PLEKHM3: variants seen among roughly 807,000 people sequenced by gnomAD.
PLEKHM3 encodes pleckstrin homology domain-containing family M member 3.
PLEKHM3 carries 45 observed loss-of-function variants against 81.8 expected under a neutral mutation model. The ratio of observed to expected loss-of-function variants is 0.55; its 90% CI spans 0.43 to 0.71. PLEKHM3 has a LOEUF of 0.71. PLEKHM3 is among the 30% of genes least tolerant of loss of function. The pLI is 0.00. For synonymous variants in PLEKHM3, 352 were observed against 356.4 expected (o/e 0.99, Z 0.14); for missense variants, 788 against 924.3 (o/e 0.85, Z 1.91).
At chr2:207,831,429 C>T (rs892074785) in intron 7 of PLEKHM3, among the ~76,000 whole-genome samples, 12 of 152,202 alleles carry the variant, frequency 7.9e-5, no homozygotes, top group South Asian at 2.1e-4. Context: ...CATAGGGAAA[C>T]GTAGGGCTTC....
intron 3 of PLEKHM3, among the ~76,000 whole-genome samples, chr2:207,960,902 G>A (rs1404919516): frequency 6.6e-6 from 1 of 152,210 alleles, no homozygotes; most frequent in Non-Finnish European, 1.5e-5. Flanking sequence ...GAGCCTCCCT[G>A]TAGTTTCTGG....
intron 4 of PLEKHM3, among the ~76,000 whole-genome samples, chr2:207,941,127 C>T (rs1017226310): frequency 6.6e-6 from 1 of 152,164 alleles, no homozygotes; most frequent in Admixed American, 6.5e-5. Context: ...TGACCACTCA[C>T]AATTTTCATG....
rs188224946 is a variant in PLEKHM3, at chr2:207,918,436, G to C, written c.1887-9859C>G. ...ACTCAGGAGGCTGAGGCAGGAGAAT[G>C]GCATGAACCTGGGAGGCGGAGCTTG... On this transcript the variant is annotated intron_variant, in intron 5 of 7. Coordinates refer to ENST00000427836, the MANE Select transcript of PLEKHM3 (RefSeq NM_001080475.3). Among the ~76,000 whole-genome samples the C allele has an allele frequency of 3.9e-3, 598 of 152,214 alleles. 6 individuals are homozygous for C. The highest frequency in any genetic ancestry group is 0.014 in the African/African-American group (573 of 41,542).
intron 2 of PLEKHM3, among the ~76,000 whole-genome samples, chr2:207,988,368 A>G (rs888621598): frequency 5.9e-5 from 9 of 152,172 alleles, no homozygotes; most frequent in African/African-American, 2.2e-4. Flanking sequence ...CCTGAGTCTC[A>G]GTTTCCTCAT....
rs544878579 is a variant in PLEKHM3, at chr2:207,879,184, G to T, written c.1951-17922C>A. 4.6e-5 allele frequency among the ~76,000 whole-genome samples: 7 copies of T among 152,266 alleles called. No individual in the cohort carries two copies. In the East Asian group the frequency reaches 1.4e-3, roughly 29 times the overall value. ...TAAACTGAGACATAGAAAGATTAAA[G>T]AACTTGTTTATGGTCAGAGAGCTAA... On this transcript the variant is annotated intron_variant, in intron 6 of 7. Coordinates refer to ENST00000427836, the MANE Select transcript of PLEKHM3 (RefSeq NM_001080475.3).
At chr2:207,942,273 C>T (rs749436412) in intron 4 of PLEKHM3, among the ~76,000 whole-genome samples, 4 of 151,966 alleles carry the variant, frequency 2.6e-5, no homozygotes, top group Non-Finnish European at 2.9e-5. Context: ...TGTGGGAGGC[C>T]GAGGTGGGAA....
intron 3 of PLEKHM3, among the ~76,000 whole-genome samples, chr2:207,963,495 T>G (rs759287885): frequency 9.9e-5 from 15 of 152,144 alleles, no homozygotes; most frequent in East Asian, 1.9e-4. Context: ...AGACAAGATT[T>G]AGAAAAAGTC....
intron 5 of PLEKHM3, among the ~76,000 whole-genome samples, chr2:207,915,725 A>G (rs1276450885): frequency 6.6e-6 from 1 of 152,260 alleles, no homozygotes; most frequent in East Asian, 1.9e-4. Context: ...TTGATTCTAA[A>G]TGATAAGGGT....
chr2:207,860,151 CTGTGTGTGTGTGTGTGTGTG>C lies in PLEKHM3; in HGVS notation c.2108+934_2108+953del, dbSNP rs55739776. Reference sequence around the variant, plus strand: ...GGAAACTGGAGGCTGAACTCTGCCTCTGTGTGTGTGTGTGTGTGTGTGTGTGTGTGTGTGTGTGTGTGTGT... The same window carrying C: ...GGAAACTGGAGGCTGAACTCTGCCTCTGTGTGTGTGTGTGTGTGTGTGTGT... On this transcript the variant is annotated intron_variant, in intron 7 of 7. Coordinates refer to ENST00000427836, the MANE Select transcript of PLEKHM3 (RefSeq NM_001080475.3). 7.1e-3 allele frequency among the ~76,000 whole-genome samples: 782 copies of C among 110,752 alleles called. 8 individuals are homozygous for C. Among genetic ancestry groups the C allele is most frequent in the African/African-American group, 0.026 (707 of 27,112 alleles). The allele number at this position is 110,752 out of a possible 152,430, so 72.7% of individuals were successfully genotyped here.
intron 6 of PLEKHM3, among the ~76,000 whole-genome samples, chr2:207,878,839 T>A (rs535024384): frequency 9.2e-5 from 14 of 151,912 alleles, no homozygotes; most frequent in South Asian, 4.2e-4. Flanking sequence ...ATTTTTATTT[T>A]TTTTATTTTT....
chr2:207,958,701 G>A (rs573970559), intron 3 of PLEKHM3, among the ~76,000 whole-genome samples: 63 of 151,962 alleles, frequency 4.1e-4, no homozygotes, highest in African/African-American at 1.5e-3. Flanking sequence ...CCTAAGGTCC[G>A]GAGTTCGACA....
intron 2 of PLEKHM3, among the ~76,000 whole-genome samples, chr2:207,992,125 A>G (rs996625071): frequency 6.6e-6 from 1 of 152,204 alleles, no homozygotes; most frequent in Non-Finnish European, 1.5e-5. Flanking sequence ...TCTAGATCAC[A>G]CTGTGTTTTA....
intron 7 of PLEKHM3, among the ~76,000 whole-genome samples, chr2:207,859,136 C>CTTTT (rs371493664): frequency 1.7e-5 from 2 of 118,380 alleles, no homozygotes; most frequent in African/African-American, 3.1e-5. Context: ...TTTTCTTTTT[C>CTTTT]TTTTTTTTTT....
At chr2:207,980,665 C>T (rs1691490507) in intron 2 of PLEKHM3, among the ~76,000 whole-genome samples, 1 of 151,942 alleles carries the variant, frequency 6.6e-6, no homozygotes, top group Non-Finnish European at 1.5e-5. Flanking sequence ...ACCTCCCAGG[C>T]TCAAGCAATC....
intron 6 of PLEKHM3, among the ~76,000 whole-genome samples, chr2:207,883,397 C>G (rs1274699004): frequency 6.6e-6 from 1 of 152,202 alleles, no homozygotes; most frequent in East Asian, 1.9e-4. Flanking sequence ...CCCCAGCACA[C>G]AAACTGGTAA....
intron 6 of PLEKHM3, among the ~76,000 whole-genome samples, chr2:207,880,410 G>A (rs370694675): frequency 3.9e-3 from 512 of 130,972 alleles, no homozygotes; most frequent in East Asian, 4.3e-3. Flanking sequence ...CTGTCTAAAA[G>A]AAAAAAAAAA....
intron 3 of PLEKHM3, among the ~76,000 whole-genome samples, chr2:207,948,514 C>T (rs1429102995): frequency 6.6e-6 from 1 of 150,806 alleles, no homozygotes; most frequent in Non-Finnish European, 1.5e-5. Context: ...TGCCACCATG[C>T]CCAGCTAATT....
chr2:207,925,788 T>C (rs1689374511), intron 5 of PLEKHM3, among the ~76,000 whole-genome samples: 1 of 152,158 alleles, frequency 6.6e-6, no homozygotes, highest in African/African-American at 2.4e-5. Context: ...GGGCGCATTG[T>C]AATGGCCTAG....
At chr2:208,021,920 G>C (rs1028557758) in intron 1 of PLEKHM3, among the ~76,000 whole-genome samples, 2 of 152,150 alleles carry the variant, frequency 1.3e-5, no homozygotes, top group Non-Finnish European at 2.9e-5. Flanking sequence ...ATCTATTGAT[G>C]ACACCATAAT....
Sources: gnomAD v4.1 joint callset for allele counts (sites outside exome capture counted in the v4.1 genomes callset) on GRCh38, gnomAD v4.1.1 for gene constraint, MANE v1.5 for transcripts, NCBI Gene and HGNC (gene_info 2026-07-23, HGNC 2026-07-21) for gene names.